The following ADGRA3 variants were observed in gnomAD, a reference collection of about 807,000 sequenced individuals.
The protein encoded by ADGRA3 is G-protein coupled receptor 125.
A neutral mutation model predicts 119.8 loss-of-function variants in ADGRA3; 56 were observed. The observed-to-expected ratio is 0.47, with a 90% CI of 0.38 to 0.58. The LOEUF (loss-of-function observed/expected upper bound fraction) is 0.58. ADGRA3 is among the 20% of genes least tolerant of loss of function. The probability of loss-of-function intolerance (pLI) is 0.00; values close to 1 mark genes in which losing one functional copy is unlikely to be tolerated. For missense variants in ADGRA3, 1,516 were observed against 1,649.0 expected, an observed-to-expected ratio of 0.92 and a Z score of 1.40; for synonymous variants, 607 against 623.8, an observed-to-expected ratio of 0.97 and a Z score of 0.40.
intron 1 of ADGRA3, among the ~76,000 whole-genome samples, chr4:22,504,324 C>T (rs1435633219): frequency 1.3e-5 from 2 of 152,102 alleles, no homozygotes; most frequent in Non-Finnish European, 2.9e-5. Context: ...TGATGAGGCG[C>T]TAAAAGAAAC....
intron 14 of ADGRA3, among the ~76,000 whole-genome samples, chr4:22,409,302 G>C (rs563559183): frequency 1.3e-5 from 2 of 152,112 alleles, no homozygotes; most frequent in Non-Finnish European, 2.9e-5. Flanking sequence ...AAATGACACT[G>C]TACAAACCAC....
chr4:22,471,704 G>A (rs1011193911), intron 2 of ADGRA3, among the ~76,000 whole-genome samples: 22 of 152,076 alleles, frequency 1.4e-4, no homozygotes, highest in African/African-American at 4.1e-4. Context: ...GTCAACACTC[G>A]GTTTTCACAC....
At chr4:22,444,924 G>A (rs1716772267) in intron 6 of ADGRA3, 49 bp downstream of exon 6, 2 of 1,582,692 alleles carry the variant, frequency 1.3e-6, no homozygotes, top group African/African-American at 2.7e-5. Context: ...AAACATGGTA[G>A]CAAGTCAAAA....
chr4:22,488,356 T>TA (rs5856699), intron 1 of ADGRA3, among the ~76,000 whole-genome samples: 2,587 of 146,332 alleles, frequency 0.018, 70 homozygotes, highest in African/African-American at 0.061. Context: ...TATGAAGCTT[T>TA]AAAAAAAAAA....
intron 4 of ADGRA3, among the ~76,000 whole-genome samples, chr4:22,452,681 C>T (rs1455858527): frequency 6.6e-6 from 1 of 152,160 alleles, no homozygotes; most frequent in Non-Finnish European, 1.5e-5. Flanking sequence ...GCAACCTGCC[C>T]TAACAGAAGC....
At chr4:22,488,932 T>C (rs1420425614) in intron 1 of ADGRA3, among the ~76,000 whole-genome samples, 2 of 151,996 alleles carry the variant, frequency 1.3e-5, no homozygotes, top group Non-Finnish European at 2.9e-5. Context: ...GAAAGTAGAA[T>C]AGAGGTTATA....
At position 22,475,957 on chromosome 4, in the gene ADGRA3, G is replaced by T. The variant is rs556282688; in HGVS notation, c.258-2114C>A. On this transcript the variant is annotated intron_variant, in intron 1 of 18. Coordinates refer to ENST00000334304, the MANE Select transcript of ADGRA3 (RefSeq NM_145290.4). ...ACAAATTTTTTAAAAAATGTTTTCT[G>T]AAGTCCAGATGTATCTTACAATCCA... 9.2e-5 allele frequency among the ~76,000 whole-genome samples: 14 copies of T among 152,162 alleles called. No individual in the cohort carries two copies. The South Asian group carries it at 2.7e-3, about 29-fold the overall frequency.
intron 4 of ADGRA3, among the ~76,000 whole-genome samples, chr4:22,448,915 T>C (rs1403954429): frequency 6.6e-6 from 1 of 152,174 alleles, no homozygotes; most frequent in East Asian, 1.9e-4. Context: ...ATGTGAATTG[T>C]GAGAAAGGTG....
chr4:22,432,612 A>G (rs930159381), intron 10 of ADGRA3, among the ~76,000 whole-genome samples: 32 of 152,202 alleles, frequency 2.1e-4, no homozygotes, highest in African/African-American at 7.2e-4. Context: ...TCTAATCTTT[A>G]TATTTAACTT....
chr4:22,473,727 G>A (rs376267227), intron 2 of ADGRA3, 45 bp downstream of exon 2: 3 of 1,048,238 alleles, frequency 2.9e-6, no homozygotes, highest in African/African-American at 3.2e-5. Context: ...CAATGAAAAT[G>A]CATTAAACAA....
chr4:22,401,620 A>G (rs1293227131), intron 15 of ADGRA3, 66 bp from the exon 16 acceptor site: 59 of 1,224,948 alleles, frequency 4.8e-5, no homozygotes, highest in Non-Finnish European at 6.8e-6. Context: ...TATGATGTTC[A>G]TCTTAATTCC....
At chr4:22,476,925 C>T (rs924407100) in intron 1 of ADGRA3, among the ~76,000 whole-genome samples, 1 of 152,156 alleles carries the variant, frequency 6.6e-6, no homozygotes, top group Admixed American at 6.5e-5. Flanking sequence ...CCTCGGCCTC[C>T]CAAAGTGCTG....
rs923322693 is a variant in ADGRA3 at position 22,516,031 on chromosome 4, T to G, written c.-247A>C. 3 of 153,626 alleles carry G rather than the reference T, an allele frequency of 2.0e-5. No homozygotes were observed. Among genetic ancestry groups the G allele is most frequent in the African/African-American group, 5.0e-5 (2 of 39,938 alleles). The allele number at this position is 153,626 out of a possible 1,614,324, so 9.5% of individuals were successfully genotyped here. On this transcript the variant is annotated 5_prime_UTR_variant, in exon 1 of 19. Transcript: ENST00000334304. ...TCTACCGCCCGGCGCGAGCACCGCC[T>G]CCTCCTCCTCCTCTGCCGCCGCCGC...
intron 1 of ADGRA3, among the ~76,000 whole-genome samples, chr4:22,498,491 G>A (rs895281873): frequency 1.4e-5 from 2 of 144,796 alleles, no homozygotes; most frequent in Non-Finnish European, 3.1e-5. Flanking sequence ...GGTGGCGGGC[G>A]CCTGTAATCC....
At chr4:22,407,286 A>G (rs1714982241) in intron 14 of ADGRA3, among the ~76,000 whole-genome samples, 1 of 152,176 alleles carries the variant, frequency 6.6e-6, no homozygotes, top group Non-Finnish European at 1.5e-5. Context: ...GAAAAAGAAT[A>G]TAAAAATATT....
intron 2 of ADGRA3, among the ~76,000 whole-genome samples, chr4:22,465,645 AG>A (rs539681830): frequency 7.9e-4 from 121 of 152,278 alleles, no homozygotes; most frequent in Non-Finnish European, 1.6e-3. Flanking sequence ...TAATCACCCT[AG>A]GAGGCAGTGT....
rs746698463 is a variant in ADGRA3, at chr4:22,389,210, C to T, written c.2628-27G>A. 8 of 1,442,358 alleles carry T rather than the reference C, an allele frequency of 5.5e-6. No individual in the cohort carries two copies. The Admixed American group carries it at 1.3e-4, about 24-fold the overall frequency. The allele number at this position is 1,442,358 out of a possible 1,614,324, so 89.3% of individuals were successfully genotyped here. ...TAGAAGGAGGAATCACAGGAAAAAC[C>T]ACTCATCATTCCATTTCTTAACATG... On this transcript the variant is annotated intron_variant, in intron 17 of 18. Coordinates refer to ENST00000334304, the MANE Select transcript of ADGRA3 (RefSeq NM_145290.4).
chr4:22,409,902 G>C (rs964960210), intron 14 of ADGRA3, among the ~76,000 whole-genome samples: 1 of 152,118 alleles, frequency 6.6e-6, no homozygotes. Flanking sequence ...GAGATAGGTA[G>C]GACTTCCAGC....
chr4:22,489,909 C>T (rs1340795746), intron 1 of ADGRA3, among the ~76,000 whole-genome samples: 1 of 152,182 alleles, frequency 6.6e-6, no homozygotes, highest in Non-Finnish European at 1.5e-5. Flanking sequence ...ATCAAACACA[C>T]TGGAGGATAA....
Sources: allele counts gnomAD v4.1 joint callset (sites outside exome capture counted in the v4.1 genomes callset), GRCh38; gene constraint gnomAD v4.1.1; transcripts MANE v1.5; gene names NCBI Gene and HGNC (gene_info 2026-07-23, HGNC 2026-07-21).